GRIK4: variants seen among roughly 807,000 people sequenced by gnomAD.
GRIK4 encodes glutamate receptor ionotropic, kainate 4.
Under a neutral mutation model 104.9 loss-of-function variants are expected in GRIK4, and 40 were observed. The ratio of observed to expected loss-of-function variants is 0.38; its 90% confidence interval spans 0.30 to 0.50. The LOEUF (loss-of-function observed/expected upper bound fraction) is 0.50, where lower values mean the gene tolerates loss of function less well. GRIK4 is among the 20% of genes least tolerant of loss of function. The pLI is 0.93. For missense variants in GRIK4, 1,047 were observed against 1,308.1 expected (o/e 0.80, Z 3.08); for synonymous variants, 485 against 524.9 (o/e 0.92, Z 1.04).
intron 11 of GRIK4, among the ~76,000 whole-genome samples, chr11:120,885,450 A>G (rs1055373864): frequency 6.6e-6 from 1 of 151,938 alleles, no homozygotes; most frequent in African/African-American, 2.4e-5. Context: ...CAATGGCACA[A>G]TCTTGGCTCA....
At chr11:120,775,924 C>T (rs1344304921) in intron 3 of GRIK4, among the ~76,000 whole-genome samples, 1 of 152,236 alleles carries the variant, frequency 6.6e-6, no homozygotes, top group Non-Finnish European at 1.5e-5. Context: ...GCTGAGCCCT[C>T]TTTTGCCACC....
chr11:120,658,088 G>A (rs1419352725), intron 2 of GRIK4, among the ~76,000 whole-genome samples: 1 of 152,054 alleles, frequency 6.6e-6, no homozygotes, highest in Non-Finnish European at 1.5e-5. Context: ...GTAATCTTTT[G>A]TAATCTTTTT....
intron 13 of GRIK4, among the ~76,000 whole-genome samples, chr11:120,915,396 T>A (rs1943084970): frequency 6.6e-6 from 1 of 152,150 alleles, no homozygotes; most frequent in Non-Finnish European, 1.5e-5. Context: ...GCAGCCGCCC[T>A]TTTTTTCTTC....
In GRIK4 at chr11:120,600,330, G is replaced by GT. The variant is rs555954078; in HGVS notation, c.-158-53350dup. The stretch of plus-strand genomic sequence containing the variant: ...CAAGAGAGTAAGAGGTTTTATGGGA[G>GT]TTTTTCCCCCCTCTGTCTTAAAAAA... On this transcript the variant is annotated intron_variant, in intron 1 of 20. Coordinates refer to ENST00000527524, the MANE Select transcript of GRIK4 (RefSeq NM_014619.5). Among the ~76,000 whole-genome samples the GT allele has an allele frequency of 6.4e-4, 97 of 152,172 alleles. 3 individuals carry two copies. The South Asian group carries it at 0.019, about 30-fold the overall frequency.
intron 3 of GRIK4, among the ~76,000 whole-genome samples, chr11:120,793,490 C>G (rs1160735437): frequency 1.3e-5 from 2 of 152,108 alleles, no homozygotes; most frequent in Non-Finnish European, 2.9e-5. Context: ...GCCCTCGTTA[C>G]CTGAGCTTGT....
intron 1 of GRIK4, among the ~76,000 whole-genome samples, chr11:120,638,195 T>C (rs1949423450): frequency 6.6e-6 from 1 of 152,114 alleles, no homozygotes; most frequent in Admixed American, 6.5e-5. Flanking sequence ...TTATTATTAA[T>C]TTAACAATTA....
intron 3 of GRIK4, among the ~76,000 whole-genome samples, chr11:120,769,486 A>G (rs558290410): frequency 6.6e-6 from 1 of 152,318 alleles, no homozygotes; most frequent in East Asian, 1.9e-4. Context: ...TGATATTAAT[A>G]TTTTAATTTT....
chr11:120,967,119 G>T lies in GRIK4; in HGVS notation c.2267-76G>T. On this transcript the variant is annotated intron_variant, in intron 18 of 20. Transcript: ENST00000527524. The surrounding 1 kb of genome is among the most constrained non-coding windows in gnomAD (Gnocchi z 4.2). ...AGCAGGCAGGGTGGCCAGGAGGTGT[G>T]CCGGGAAGGGGAGCAGAGTGACACC... is the stretch of plus-strand genomic sequence containing the variant. 6.6e-7 allele frequency: 1 copy of T among 1,507,028 alleles called. No individual in the cohort carries two copies. Among genetic ancestry groups the T allele is most frequent in the South Asian group, 1.3e-5 (1 of 77,302 alleles). The allele number at this position is 1,507,028 out of a possible 1,614,324, so 93.4% of individuals were successfully genotyped here. A position where few individuals can be genotyped will look rare whatever the true frequency, so the allele number is the denominator to read the frequency against.
chr11:120,977,908 T>G (rs1591353790), intron 19 of GRIK4, among the ~76,000 whole-genome samples: 1 of 152,318 alleles, frequency 6.6e-6, no homozygotes, highest in East Asian at 1.9e-4. Flanking sequence ...TTCAGTCCCC[T>G]TTAGCCATCA....
intron 3 of GRIK4, among the ~76,000 whole-genome samples, chr11:120,711,663 A>T (rs1261501552): frequency 2.6e-5 from 4 of 152,196 alleles, no homozygotes; most frequent in Non-Finnish European, 5.9e-5. Flanking sequence ...AAACAGATTG[A>T]TCCTTAATGT....
chr11:120,598,683 A>G (rs915918774), intron 1 of GRIK4, among the ~76,000 whole-genome samples: 3 of 152,228 alleles, frequency 2.0e-5, no homozygotes, highest in African/African-American at 7.2e-5. Context: ...CAAGGACCAC[A>G]TGGCCTCTTA....
chr11:120,752,783 GGCCAC>G (rs1490847736), intron 3 of GRIK4, among the ~76,000 whole-genome samples: 2 of 152,192 alleles, frequency 1.3e-5, no homozygotes, highest in Admixed American at 6.5e-5. Flanking sequence ...TCTGCTCGAG[GGCCAC>G]CTGTTGTCAC....
At chr11:120,867,007 C>A (rs1283386048) in intron 9 of GRIK4, among the ~76,000 whole-genome samples, 1 of 152,084 alleles carries the variant, frequency 6.6e-6, no homozygotes. Context: ...AACTGAGGCA[C>A]GGACGTGCTG....
At chr11:120,692,480 T>G (rs939974630) in intron 3 of GRIK4, among the ~76,000 whole-genome samples, 1 of 152,056 alleles carries the variant, frequency 6.6e-6, no homozygotes, top group African/African-American at 2.4e-5. Flanking sequence ...ATGGCGGGGA[T>G]AGAGATTTGC....
intron 8 of GRIK4, among the ~76,000 whole-genome samples, chr11:120,849,157 A>G (rs976029766): frequency 4.6e-5 from 7 of 151,594 alleles, no homozygotes; most frequent in Non-Finnish European, 8.8e-5. Context: ...TCTGCCCCCA[A>G]CGCGCGCACA....
At chr11:120,665,746 G>T (rs189696848) in intron 3 of GRIK4, among the ~76,000 whole-genome samples, 1 of 152,138 alleles carries the variant, frequency 6.6e-6, no homozygotes, top group African/African-American at 2.4e-5. Flanking sequence ...AAGTCTGCGC[G>T]TGTGTCTGCA....
At chr11:120,544,932 C>A (rs148954650) in intron 1 of GRIK4, among the ~76,000 whole-genome samples, 13 of 152,258 alleles carry the variant, frequency 8.5e-5, no homozygotes, top group African/African-American at 3.1e-4. Context: ...GAGCACAGCC[C>A]GGACTCCCAG....
At chr11:120,623,526 A>G (rs190421795) in intron 1 of GRIK4, among the ~76,000 whole-genome samples, 2 of 152,280 alleles carry the variant, frequency 1.3e-5, no homozygotes, top group Admixed American at 1.3e-4. Flanking sequence ...CTGACCCCCA[A>G]CCAGGAATTC....
At position 120,952,716 on chromosome 11, in the gene GRIK4, A is replaced by C; in HGVS notation, c.1591-139A>C. 2.8e-6 allele frequency: 2 copies of C among 712,372 alleles called. No individual in the cohort carries two copies. The highest frequency in any genetic ancestry group is 2.6e-6 in the Non-Finnish European group (1 of 391,592). 44.1% of individuals were successfully genotyped at this position (712,372 alleles called of 1,614,324 possible). ...AACACCCTCATTCCCAGTGTCATTT[A>C]AACCAATCACCCAGAACCCACAGAA... is the stretch of plus-strand genomic sequence containing the variant. On this transcript the variant is annotated intron_variant, in intron 14 of 20. Transcript: ENST00000527524. This position sits in a 1 kb window ranked among gnomAD's most constrained non-coding sequence, Gnocchi z 5.2.
Sources: gnomAD v4.1 joint callset for allele counts (sites outside exome capture counted in the v4.1 genomes callset) on GRCh38, gnomAD v4.1.1 for gene constraint, Gnocchi (gnomAD v3.1) non-coding constraint, MANE v1.5 for transcripts, NCBI Gene and HGNC (gene_info 2026-07-23, HGNC 2026-07-21) for gene names.